The following GRXCR1 variants were observed in gnomAD, a reference collection of about 807,000 sequenced individuals.
The protein encoded by GRXCR1 is glutaredoxin domain-containing cysteine-rich protein 1.
A neutral mutation model predicts 27.3 loss-of-function variants in GRXCR1; 27 were observed. The ratio of observed to expected loss-of-function variants is 0.99; its 90% CI spans 0.73 to 1.37. GRXCR1 has a LOEUF of 1.37. Among genes scored for constraint, GRXCR1 ranks in the 40% most tolerant of loss-of-function variants. GRXCR1 has a pLI of 0.00. For synonymous variants in GRXCR1, 122 were observed against 131.1 expected (o/e 0.93, Z 0.47); for missense variants, 379 against 354.4 (o/e 1.07, Z -0.56).
intron 2 of GRXCR1, among the ~76,000 whole-genome samples, chr4:42,987,403 C>T (rs1014031636): frequency 8.6e-5 from 13 of 150,898 alleles, no homozygotes; most frequent in Admixed American, 2.7e-4. Flanking sequence ...CTGCCTCAGC[C>T]TCCTGAGTAG....
chr4:43,029,464 C>G (rs1402625141), intron 3 of GRXCR1, among the ~76,000 whole-genome samples: 1 of 152,122 alleles, frequency 6.6e-6, no homozygotes, highest in East Asian at 1.9e-4. Flanking sequence ...CTTATTTTCT[C>G]TTTGTATTCA....
At chr4:42,924,402 C>T (rs1191908550) in intron 1 of GRXCR1, among the ~76,000 whole-genome samples, 1 of 152,030 alleles carries the variant, frequency 6.6e-6, no homozygotes, top group Non-Finnish European at 1.5e-5. Flanking sequence ...CAAAGTATCT[C>T]TGCAGGAGAG....
At chr4:42,971,337 G>A (rs2109779479) in intron 2 of GRXCR1, among the ~76,000 whole-genome samples, 1 of 152,158 alleles carries the variant, frequency 6.6e-6, no homozygotes. Context: ...TATGTTTATA[G>A]CAATGCTCCA....
At chr4:42,954,534 T>A (rs1747954837) in intron 1 of GRXCR1, among the ~76,000 whole-genome samples, 2 of 152,154 alleles carry the variant, frequency 1.3e-5, no homozygotes, top group Admixed American at 1.3e-4. Flanking sequence ...CATCTTAGTT[T>A]CCATGTCTAT....
At chr4:42,953,603 TC>T (rs1223553624) in intron 1 of GRXCR1, among the ~76,000 whole-genome samples, 1 of 152,108 alleles carries the variant, frequency 6.6e-6, no homozygotes, top group East Asian at 1.9e-4. Flanking sequence ...AATTGCAAAT[TC>T]ATGAGAAAAA....
intron 3 of GRXCR1, among the ~76,000 whole-genome samples, chr4:43,025,306 A>G (rs1166055441): frequency 6.6e-6 from 1 of 152,210 alleles, no homozygotes; most frequent in African/African-American, 2.4e-5. Context: ...GCTGAGATGT[A>G]CTACTAGGAA....
At chr4:43,000,999 T>C (rs900212880) in intron 2 of GRXCR1, among the ~76,000 whole-genome samples, 2 of 152,092 alleles carry the variant, frequency 1.3e-5, no homozygotes, top group African/African-American at 4.8e-5. Flanking sequence ...CTATCTCGGC[T>C]CACTGCAACC....
chr4:42,957,091 C>A (rs1254723122), intron 1 of GRXCR1, among the ~76,000 whole-genome samples: 1 of 151,970 alleles, frequency 6.6e-6, no homozygotes, highest in Non-Finnish European at 1.5e-5. Flanking sequence ...ATCTTAAGAT[C>A]TTTGTACTTG....
intron 1 of GRXCR1, among the ~76,000 whole-genome samples, chr4:42,935,006 G>A (rs114410032): frequency 1.6e-3 from 247 of 152,072 alleles, no homozygotes; most frequent in African/African-American, 5.6e-3. Context: ...GGCTTCTGGT[G>A]AGGACAGAAA....
intron 1 of GRXCR1, among the ~76,000 whole-genome samples, chr4:42,956,708 G>A (rs879853872): frequency 3.9e-5 from 6 of 152,104 alleles, no homozygotes; most frequent in Non-Finnish European, 7.4e-5. Flanking sequence ...ATGAGACTGA[G>A]TATAATGGCT....
At chr4:43,020,975 T>G (rs1713075607) in intron 3 of GRXCR1, among the ~76,000 whole-genome samples, 2 of 152,196 alleles carry the variant, frequency 1.3e-5, no homozygotes, top group Admixed American at 1.3e-4. Context: ...TCTCCCTATT[T>G]GTAAGAAGAT....
At chr4:43,005,570 C>G (rs148416701) in intron 2 of GRXCR1, among the ~76,000 whole-genome samples, 1 of 152,140 alleles carries the variant, frequency 6.6e-6, no homozygotes, top group African/African-American at 2.4e-5. Context: ...CAAATTACCA[C>G]GGCAAGATGA....
At chr4:42,926,737 G>A (rs1313627269) in intron 1 of GRXCR1, among the ~76,000 whole-genome samples, 1 of 151,976 alleles carries the variant, frequency 6.6e-6, no homozygotes, top group East Asian at 1.9e-4. Flanking sequence ...TAAACTTGTG[G>A]CTGAAGATGT....
intron 1 of GRXCR1, among the ~76,000 whole-genome samples, chr4:42,922,780 C>A (rs936853646): frequency 1.3e-5 from 2 of 151,956 alleles, no homozygotes; most frequent in African/African-American, 4.8e-5. Flanking sequence ...ATGCTAGATA[C>A]CCCTTCATGG....
intron 2 of GRXCR1, among the ~76,000 whole-genome samples, chr4:43,010,768 TA>T (rs1185415296): frequency 2.6e-5 from 4 of 152,194 alleles, no homozygotes; most frequent in Non-Finnish European, 5.9e-5. Flanking sequence ...GTGTGATTTT[TA>T]AAAAAGCTCT....
chr4:43,016,638 T>C (rs1336458211), intron 2 of GRXCR1, among the ~76,000 whole-genome samples: 3 of 149,352 alleles, frequency 2.0e-5, no homozygotes, highest in Non-Finnish European at 3.0e-5. Context: ...TGTGTTTGTG[T>C]GTGTGTGTGT....
intron 2 of GRXCR1, among the ~76,000 whole-genome samples, chr4:43,008,339 C>A (rs941963469): frequency 1.3e-5 from 2 of 152,106 alleles, no homozygotes; most frequent in Admixed American, 6.5e-5. Flanking sequence ...TGTCTTTTAA[C>A]AAACAACCTG....
chr4:42,940,809 C>A (rs1022102223), intron 1 of GRXCR1, among the ~76,000 whole-genome samples: 3 of 151,978 alleles, frequency 2.0e-5, no homozygotes, highest in Non-Finnish European at 4.4e-5. Flanking sequence ...GTCCTCTAAG[C>A]ATATGGTGTT....
At chr4:42,950,511 A>G (rs1436193370) in intron 1 of GRXCR1, among the ~76,000 whole-genome samples, 2 of 152,176 alleles carry the variant, frequency 1.3e-5, no homozygotes, top group Non-Finnish European at 2.9e-5. Flanking sequence ...GACAATATGT[A>G]TAGAAGCCAA....
Sources: allele counts gnomAD v4.1 joint callset (sites outside exome capture counted in the v4.1 genomes callset), GRCh38; gene constraint gnomAD v4.1.1; transcripts MANE v1.5; gene names NCBI Gene and HGNC (gene_info 2026-07-23, HGNC 2026-07-21).